The following PFKM variants were observed in gnomAD, a reference collection of about 807,000 sequenced individuals.
PFKM encodes the protein ATP-dependent 6-phosphofructokinase, muscle type.
In PFKM, 58 loss-of-function variants were observed where a neutral mutation model predicts 95.5. That is an observed-to-expected ratio of 0.61 (90% confidence interval 0.49 to 0.76). PFKM has a LOEUF of 0.76. Ranked by LOEUF, PFKM falls within the 30% of genes least tolerant of loss-of-function variation. The probability of loss-of-function intolerance (pLI) is 0.00; values close to 1 mark genes in which losing one functional copy is unlikely to be tolerated. For synonymous variants in PFKM, 336 were observed against 357.2 expected, an observed-to-expected ratio of 0.94 and a Z score of 0.67; for missense variants, 678 against 1,005.4, an observed-to-expected ratio of 0.67 and a Z score of 4.40.
intron 3 of PFKM, among the ~76,000 whole-genome samples, chr12:48,108,564 G>T (rs1243363254): frequency 6.6e-6 from 1 of 152,150 alleles, no homozygotes; most frequent in Non-Finnish European, 1.5e-5. Context: ...TGAAACTTAA[G>T]AAAGTTGACT....
intron 2 of PFKM, among the ~76,000 whole-genome samples, chr12:48,128,646 A>T (rs1949099067): frequency 6.6e-6 from 1 of 152,108 alleles, no homozygotes; most frequent in South Asian, 2.1e-4. Context: ...AAAAAGAAAC[A>T]TTTTGATTTT....
chr12:48,107,614 G>A (rs1447773781), intron 2 of PFKM, among the ~76,000 whole-genome samples: 1 of 152,198 alleles, frequency 6.6e-6, no homozygotes. Flanking sequence ...TGATCACTGA[G>A]TCGTGTATTT....
In PFKM at chr12:48,122,788, A is replaced by G. The variant is rs766830724; in HGVS notation, c.14A>G (p.Glu5Gly). The G allele has an allele frequency of 6.2e-7, 1 of 1,614,086 alleles. No individual in the cohort carries two copies. The highest frequency in any genetic ancestry group is 8.5e-7 in the Non-Finnish European group (1 of 1,179,938). Residue 5 changes from glutamate to glycine, a missense_variant, in exon 2 of 23, where the codon GAG (glutamate) becomes GGG (glycine). By Grantham distance (98) the Glu-to-Gly change is moderately conservative (BLOSUM62 -2). Coordinates refer to ENST00000359794, the MANE Select transcript of PFKM (RefSeq NM_000289.6). Reference sequence around the variant, plus strand: ...CTAGAGTGGATCATGACCCATGAAGAGCACCATGCAGCCAAAACCCTGGGG... The same window carrying G: ...CTAGAGTGGATCATGACCCATGAAGGGCACCATGCAGCCAAAACCCTGGGG... Reference protein sequence around the residue: MTHEEHHAAKTLGIG... With the variant: MTHEGHHAAKTLGIG...
At chr12:48,114,626 G>A (rs757178821), upstream of PFKM, among the ~76,000 whole-genome samples, 18 of 152,062 alleles carry the variant, frequency 1.2e-4, no homozygotes, top group Non-Finnish European at 2.1e-4. Flanking sequence ...ACTCAGCAAC[G>A]CTTGGGGTTG....
intron 3 of PFKM, 143 bp from the exon 4 acceptor site, chr12:48,131,173 A>G (rs1949439368): frequency 8.5e-6 from 6 of 707,802 alleles, no homozygotes; most frequent in Non-Finnish European, 1.6e-5. Context: ...TGTGTTAAAT[A>G]TGATAGTCTC....
chr12:48,107,305 T>C, intron 1 of PFKM: 1 of 1,073,314 alleles, frequency 9.3e-7, no homozygotes, highest in East Asian at 2.4e-5. Context: ...TCCATGTCAG[T>C]CACTGACATC....
chr12:48,114,036 C>G (rs1947447988), intron 3 of PFKM, among the ~76,000 whole-genome samples: 2 of 152,252 alleles, frequency 1.3e-5, no homozygotes, highest in South Asian at 4.1e-4. Flanking sequence ...TGGCAGGAAA[C>G]CATGTAGTCT....
At chr12:48,143,036 G>T in intron 18 of PFKM, 90 bp downstream of exon 18, 1 of 1,264,228 alleles carries the variant, frequency 7.9e-7, no homozygotes. Context: ...TCAAGTTGAG[G>T]ACCGAGCTGA....
intron 14 of PFKM, 59 bp downstream of exon 14, chr12:48,140,930 T>TG: frequency 2.5e-6 from 4 of 1,575,860 alleles, no homozygotes; most frequent in Non-Finnish European, 3.5e-6. Flanking sequence ...GTAGCAAGAA[T>TG]GACCTGTCCA....
Position 48,135,038 on chromosome 12 carries a change from T to A in PFKM, c.843T>A (p.Asn281Lys). The change falls in exon 9 of 23, where the codon AAT becomes AAA. Residue 281 changes from asparagine (N) to lysine (K), a missense_variant and splice_region_variant. Transcript: ENST00000359794. The part of the protein sequence containing the change: ...GKPITSEDIK[N>K]LVVKRLGYDT... Reference sequence around the variant, plus strand: ...CAATCACCTCAGAAGACATCAAGAATGTTCGTATGAATGAAGCCAGAGAGG... The same window carrying A: ...CAATCACCTCAGAAGACATCAAGAAAGTTCGTATGAATGAAGCCAGAGAGG... The A allele has an allele frequency of 6.2e-7, 1 of 1,607,876 alleles. No individual in the cohort carries two copies. Among genetic ancestry groups the A allele is most frequent in the South Asian group, 1.1e-5 (1 of 90,934 alleles).
At chr12:48,115,238 C>T (rs527336179), upstream of PFKM, among the ~76,000 whole-genome samples, 1 of 152,266 alleles carries the variant, frequency 6.6e-6, no homozygotes, top group South Asian at 2.1e-4. Context: ...CCCGGGTCTT[C>T]GGCACCAAAT....
chr12:48,142,221 C>A, intron 17 of PFKM, 155 bp downstream of exon 17: 1 of 829,602 alleles, frequency 1.2e-6, no homozygotes. Context: ...ACTTCTAATC[C>A]CAGCACTTTG....
chr12:48,141,614 G>C (rs903405581), intron 15 of PFKM, 126 bp from the exon 16 acceptor site: 6 of 840,668 alleles, frequency 7.1e-6, no homozygotes, highest in African/African-American at 1.7e-5. Context: ...GGGCTAGGGA[G>C]GGCGGCACAG....
At chr12:48,139,960 C>A (rs564658114) in intron 13 of PFKM, 48 bp downstream of exon 13, 2 of 1,236,162 alleles carry the variant, frequency 1.6e-6, no homozygotes, top group Admixed American at 1.7e-5. Context: ...CTCCCTCCCC[C>A]AGTCTCTCTT....
Position 48,134,769 on chromosome 12 carries a change from T to C in PFKM, c.687T>C (p.Phe229=), listed in dbSNP as rs2135915804. 6.2e-7 allele frequency: 1 copy of C among 1,614,216 alleles called. No individual in the cohort carries two copies. Among genetic ancestry groups the C allele is most frequent in the South Asian group, 1.1e-5 (1 of 91,086 alleles). The part of the protein sequence containing the change: ...TSLSCGADWV[F]IPECPPDDDW... ...TGTCCTGTGGGGCCGACTGGGTTTT[T>C]ATTCCTGAATGTCCACCAGATGACG... The change falls in exon 8 of 23, where the codon TTT becomes TTC. Residue 229 remains phenylalanine (F), a synonymous_variant. Coordinates refer to ENST00000359794, the MANE Select transcript of PFKM (RefSeq NM_000289.6).
chr12:48,122,429 A>C (rs1380637455), intron 1 of PFKM: 2 of 377,332 alleles, frequency 5.3e-6, no homozygotes, highest in East Asian at 1.5e-4. Flanking sequence ...AGGCTAACTC[A>C]ACTTTTTCTC....
intron 3 of PFKM, among the ~76,000 whole-genome samples, chr12:48,111,009 A>G (rs978475972): frequency 6.6e-6 from 1 of 152,200 alleles, no homozygotes; most frequent in African/African-American, 2.4e-5. Flanking sequence ...GTGTGGGACA[A>G]CTACTTCCAG....
chr12:48,108,044 A>G (rs969148254), intron 2 of PFKM: 1 of 1,598,442 alleles, frequency 6.3e-7, no homozygotes, highest in African/African-American at 1.3e-5. Context: ...TCCCACCTTG[A>G]GGGTGACCTA....
chr12:48,108,059 T>A (rs1410193787), intron 2 of PFKM: 2 of 1,599,182 alleles, frequency 1.3e-6, no homozygotes, highest in Non-Finnish European at 1.7e-6. Flanking sequence ...GACCTAAAGC[T>A]ATTGTTTCTC....
Sources: gnomAD v4.1 joint callset for allele counts (sites outside exome capture counted in the v4.1 genomes callset) on GRCh38, gnomAD v4.1.1 for gene constraint, MANE v1.5 for transcripts, NCBI Gene and HGNC (gene_info 2026-07-23, HGNC 2026-07-21) for gene names.